The following CYS1 variants were observed in gnomAD, a reference collection of about 807,000 sequenced individuals.
CYS1 encodes the protein cystin-1.
In CYS1, 5 loss-of-function variants were observed where a neutral mutation model predicts 9.6. The ratio of observed to expected loss-of-function variants is 0.52; its 90% CI spans 0.27 to 1.10. The LOEUF (loss-of-function observed/expected upper bound fraction) is 1.10. Ranked by LOEUF, CYS1 falls within the 50% of genes least tolerant of loss-of-function variation. The pLI is 0.11. For missense variants in CYS1, 221 were observed against 207.9 expected, an observed-to-expected ratio of 1.06 and a Z score of -0.39; for synonymous variants, 88 against 95.7, an observed-to-expected ratio of 0.92 and a Z score of 0.47.
chr2:10,080,104 C>A lies in CYS1; in HGVS notation c.120G>T (p.Val40=). 1 of 1,027,194 alleles carries A rather than the reference C, an allele frequency of 9.7e-7. No individual in the cohort carries two copies. Among genetic ancestry groups the A allele is most frequent in the Non-Finnish European group, 1.2e-6 (1 of 858,842 alleles). 63.6% of individuals were successfully genotyped at this position (1,027,194 alleles called of 1,614,324 possible). The stretch of plus-strand genomic sequence containing the variant: ...CTGCCCCCGGGACCTCGGCCGCCGC[C>A]ACCGGCACCCGCCGGCGGGTCCCGC... ...LEGGTRRRVP[V]AAAEVPGAAA... The change falls in exon 1 of 3, where the codon GTG becomes GTT. Residue 40 remains valine, a synonymous_variant. Coordinates refer to ENST00000381813, the MANE Select transcript of CYS1 (RefSeq NM_001037160.3). The surrounding 1 kb of genome is among the most constrained non-coding windows in gnomAD (Gnocchi z 6.4).
chr2:10,068,204 T>A (rs1384201066), intron 1 of CYS1, among the ~76,000 whole-genome samples: 1 of 152,246 alleles, frequency 6.6e-6, no homozygotes, highest in African/African-American at 2.4e-5. Flanking sequence ...ATCTTCTAGG[T>A]CACTTTCTAT....
Position 10,058,730 on chromosome 2 carries a change from T to C in CYS1, c.*123A>G. ...TGAAAGTGGATTTGAAAGGGCAGCT[T>C]TGAATATCCGGGAGTGACTGCGTTT... On this transcript the variant is annotated 3_prime_UTR_variant, in exon 3 of 3. Coordinates refer to ENST00000381813, the MANE Select transcript of CYS1 (RefSeq NM_001037160.3). 1 of 810,746 alleles carries C rather than the reference T, an allele frequency of 1.2e-6. No homozygotes were observed. Among genetic ancestry groups the C allele is most frequent in the East Asian group, 2.8e-5 (1 of 36,004 alleles). The allele number at this position is 810,746 out of a possible 1,614,324, so 50.2% of individuals were successfully genotyped here. A position where few individuals can be genotyped will look rare whatever the true frequency, so the allele number is the denominator to read the frequency against.
Position 10,076,236 on chromosome 2 carries a change from A to C in CYS1, c.318+3670T>G, listed in dbSNP as rs192839739. ...AATCTATGTCTACTTGATTAAACCAAAATTTCTTCTCCAAGGGTTCCTTCA... is the reference window on the plus strand; with the variant it reads ...AATCTATGTCTACTTGATTAAACCACAATTTCTTCTCCAAGGGTTCCTTCA... On this transcript the variant is annotated intron_variant, in intron 1 of 2. Transcript: ENST00000381813. The surrounding 1 kb of genome is among the most constrained non-coding windows in gnomAD (Gnocchi z 4.3). Among the ~76,000 whole-genome samples the C allele has an allele frequency of 6.6e-5, 10 of 152,244 alleles. No homozygotes were observed. The highest frequency in any genetic ancestry group is 4.1e-4 in the South Asian group (2 of 4,824).
chr2:10,074,576 A>G (rs1417618469), intron 1 of CYS1, among the ~76,000 whole-genome samples: 2 of 152,036 alleles, frequency 1.3e-5, no homozygotes, highest in Non-Finnish European at 2.9e-5. Context: ...AGGAAGGGAA[A>G]TTTTCTTTGC....
chr2:10,079,881 G>A, intron 1 of CYS1, 25 bp downstream of exon 1: 3 of 1,100,414 alleles, frequency 2.7e-6, no homozygotes, highest in Non-Finnish European at 3.3e-6. Context: ...GCCGTCCCCC[G>A]AGGCCCTGCG....
Position 10,076,551 on chromosome 2 carries a change from C to T in CYS1, c.318+3355G>A, listed in dbSNP as rs1262228877. On this transcript the variant is annotated intron_variant, in intron 1 of 2. Coordinates refer to ENST00000381813, the MANE Select transcript of CYS1 (RefSeq NM_001037160.3). This position sits in a 1 kb window ranked among gnomAD's most constrained non-coding sequence, Gnocchi z 4.3. Reference sequence around the variant, plus strand: ...CAACCACCAGCTCTCAGGCTTCCCGCATATATCCCACCAAGCAGCACTTCC... The same window carrying T: ...CAACCACCAGCTCTCAGGCTTCCCGTATATATCCCACCAAGCAGCACTTCC... Among the ~76,000 whole-genome samples, 3 of 152,328 alleles carry T rather than the reference C, an allele frequency of 2.0e-5. No individual in the cohort carries two copies. Among genetic ancestry groups the T allele is most frequent in the Non-Finnish European group, 2.9e-5 (2 of 68,036 alleles).
chr2:10,071,168 T>C (rs183008972), intron 1 of CYS1, among the ~76,000 whole-genome samples: 9 of 152,220 alleles, frequency 5.9e-5, no homozygotes, highest in Admixed American at 4.6e-4. Context: ...GGTTTCACTA[T>C]GTTGGCCACG....
intron 1 of CYS1, among the ~76,000 whole-genome samples, chr2:10,070,992 A>G (rs11684361): frequency 0.013 from 1,922 of 149,024 alleles, 25 homozygotes; most frequent in Non-Finnish European, 0.022. Flanking sequence ...TTTGAGACGG[A>G]GTCTCGCTCT....
chr2:10,065,890 T>A lies in CYS1; in HGVS notation c.371+14A>T. 6.2e-7 allele frequency: 1 copy of A among 1,614,042 alleles called. No individual in the cohort carries two copies. Among genetic ancestry groups the A allele is most frequent in the Non-Finnish European group, 8.5e-7 (1 of 1,179,942 alleles). On this transcript the variant is annotated intron_variant, in intron 2 of 2. Transcript: ENST00000381813. ...CCGTGGCTTCTGGGAGAGATGTGCCTCCCTGGTACTTACTCAGAGACATTG... is the reference window on the plus strand; with the variant it reads ...CCGTGGCTTCTGGGAGAGATGTGCCACCCTGGTACTTACTCAGAGACATTG...
intron 2 of CYS1, among the ~76,000 whole-genome samples, chr2:10,059,301 G>A (rs1265187259): frequency 2.0e-5 from 3 of 152,238 alleles, no homozygotes; most frequent in African/African-American, 7.2e-5. Context: ...GAGCCTCGGT[G>A]TTTTTTCTCA....
At chr2:10,071,991 C>G (rs1436232528) in intron 1 of CYS1, among the ~76,000 whole-genome samples, 2 of 152,084 alleles carry the variant, frequency 1.3e-5, no homozygotes, top group Non-Finnish European at 2.9e-5. Flanking sequence ...AAACAAGAAG[C>G]AGAAAACATA....
intron 1 of CYS1, among the ~76,000 whole-genome samples, chr2:10,072,365 G>T (rs1661779585): frequency 6.6e-6 from 1 of 152,206 alleles, no homozygotes. Flanking sequence ...TTATAGGCGT[G>T]AGCCACCGTG....
intron 1 of CYS1, among the ~76,000 whole-genome samples, chr2:10,069,091 T>C (rs1051256472): frequency 5.3e-5 from 8 of 151,434 alleles, no homozygotes; most frequent in Admixed American, 2.0e-4. Context: ...TTTTAAAAAA[T>C]AAATAAAAGT....
Position 10,056,819 on chromosome 2 carries a change from T to C in CYS1, c.*2034A>G, listed in dbSNP as rs1661556128. 1 of 152,234 alleles carries C rather than the reference T, an allele frequency of 6.6e-6. No homozygotes were observed. The highest frequency in any genetic ancestry group is 1.5e-5 in the Non-Finnish European group (1 of 68,026). The allele number at this position is 152,234 out of a possible 1,614,324, so 9.4% of individuals were successfully genotyped here. On this transcript the variant is annotated 3_prime_UTR_variant, in exon 3 of 3. Coordinates refer to ENST00000381813, the MANE Select transcript of CYS1 (RefSeq NM_001037160.3). Reference sequence around the variant, plus strand: ...GCTTTATTTGTTCTTTTTATTATTATTTTTAAGTTCACCTACAGCTGCAGT... The same window carrying C: ...GCTTTATTTGTTCTTTTTATTATTACTTTTAAGTTCACCTACAGCTGCAGT...
rs1661564022 is a variant in CYS1 at position 10,057,329 on chromosome 2, T to C, written c.*1524A>G. 6.6e-6 allele frequency: 1 copy of C among 152,274 alleles called. No individual in the cohort carries two copies. The allele number at this position is 152,274 out of a possible 1,614,324, so 9.4% of individuals were successfully genotyped here. A position where few individuals can be genotyped will look rare whatever the true frequency, so the allele number is the denominator to read the frequency against. ...CCCTTGCGGGGGCCGCTCCAAGCTC[T>C]GACTTCAAAAGTTGGAGTTTCCCAG... On this transcript the variant is annotated 3_prime_UTR_variant, in exon 3 of 3. Coordinates refer to ENST00000381813, the MANE Select transcript of CYS1 (RefSeq NM_001037160.3).
rs924526067 is a variant in CYS1 at position 10,057,652 on chromosome 2, C to T, written c.*1201G>A. On this transcript the variant is annotated 3_prime_UTR_variant, in exon 3 of 3. Coordinates refer to ENST00000381813, the MANE Select transcript of CYS1 (RefSeq NM_001037160.3). The stretch of plus-strand genomic sequence containing the variant: ...CTATCTCCTTCTTTCCCTTCTGTCT[C>T]CTCCTTCCCCCTCTGTCCTGATGCC... 1.3e-5 allele frequency: 2 copies of T among 152,692 alleles called. No homozygotes were observed. Among genetic ancestry groups the T allele is most frequent in the African/African-American group, 4.8e-5 (2 of 41,442 alleles). The allele number at this position is 152,692 out of a possible 1,614,324, so 9.5% of individuals were successfully genotyped here.
chr2:10,072,018 A>G, intron 1 of CYS1, among the ~76,000 whole-genome samples: 1 of 152,242 alleles, frequency 6.6e-6, no homozygotes, highest in African/African-American at 2.4e-5. Context: ...TGAAGCGAAT[A>G]AGATCATCTC....
chr2:10,067,624 C>T (rs989628032), intron 1 of CYS1, among the ~76,000 whole-genome samples: 18 of 151,954 alleles, frequency 1.2e-4, no homozygotes, highest in Admixed American at 5.9e-4. Flanking sequence ...CCTGGCTGGT[C>T]TTAAACTCCT....
intron 2 of CYS1, among the ~76,000 whole-genome samples, chr2:10,060,614 T>C (rs1661613374): frequency 2.0e-5 from 3 of 152,222 alleles, no homozygotes; most frequent in Non-Finnish European, 4.4e-5. Flanking sequence ...GCGTGGTCAC[T>C]GTTGACGCCT....
Sources: gnomAD v4.1 joint callset for allele counts (sites outside exome capture counted in the v4.1 genomes callset) on GRCh38, gnomAD v4.1.1 for gene constraint, Gnocchi (gnomAD v3.1) non-coding constraint, MANE v1.5 for transcripts, NCBI Gene and HGNC (gene_info 2026-07-23, HGNC 2026-07-21) for gene names.